GRID2: variants seen among roughly 807,000 people sequenced by gnomAD.
GRID2 encodes glutamate ionotropic receptor delta type subunit 2.
A neutral mutation model predicts 114.8 loss-of-function variants in GRID2; 33 were observed. That is an observed-to-expected ratio of 0.29 (90% CI 0.22 to 0.38). The LOEUF (loss-of-function observed/expected upper bound fraction) is 0.38. Ranked by LOEUF, GRID2 falls within the 10% of genes least tolerant of loss-of-function variation. GRID2 has a pLI of 1.00. For synonymous variants in GRID2, 505 were observed against 449.9 expected, an observed-to-expected ratio of 1.12 and a Z score of -1.55; for missense variants, 1,184 against 1,257.7, an observed-to-expected ratio of 0.94 and a Z score of 0.89.
chr4:93,605,686 A>G (rs1312561855), intron 13 of GRID2, among the ~76,000 whole-genome samples: 1 of 152,194 alleles, frequency 6.6e-6, no homozygotes, highest in Non-Finnish European at 1.5e-5. Flanking sequence ...ACTCCTGATA[A>G]TATTGGGCCT....
intron 11 of GRID2, among the ~76,000 whole-genome samples, chr4:93,460,662 T>C (rs2149419415): frequency 6.6e-6 from 1 of 152,240 alleles, no homozygotes; most frequent in East Asian, 1.9e-4. Flanking sequence ...TTGCTTATAG[T>C]TAAGTGCCTT....
At chr4:92,739,510 T>A (rs2149330314) in intron 2 of GRID2, among the ~76,000 whole-genome samples, 1 of 152,246 alleles carries the variant, frequency 6.6e-6, no homozygotes, top group Non-Finnish European at 1.5e-5. Context: ...CATTAACACC[T>A]ATATTGGAAA....
At chr4:93,467,502 A>C (rs1388334529) in intron 11 of GRID2, among the ~76,000 whole-genome samples, 1 of 152,202 alleles carries the variant, frequency 6.6e-6, no homozygotes, top group African/African-American at 2.4e-5. Context: ...GGAATTGTTG[A>C]TGGCATTCTC....
intron 4 of GRID2, among the ~76,000 whole-genome samples, chr4:93,136,297 GC>G: frequency 6.7e-6 from 1 of 149,904 alleles, no homozygotes; most frequent in Middle Eastern, 3.5e-3. Flanking sequence ...TCCTAAGAAT[GC>G]TAACCTCTTG....
At chr4:93,201,976 G>C (rs62309156) in intron 4 of GRID2, among the ~76,000 whole-genome samples, 2 of 151,906 alleles carry the variant, frequency 1.3e-5, no homozygotes, top group Non-Finnish European at 2.9e-5. Flanking sequence ...TTCTTGGGAG[G>C]TGGGATAGTT....
At chr4:92,620,221 T>C (rs1730202277) in intron 2 of GRID2, among the ~76,000 whole-genome samples, 1 of 151,680 alleles carries the variant, frequency 6.6e-6, no homozygotes, top group African/African-American at 2.4e-5. Context: ...GTGGAATGGT[T>C]TGAGTGATGG....
In GRID2 at chr4:92,842,224, A is replaced by G. The variant is rs113777287; in HGVS notation, c.245-242771A>G. ...ACACAATTTCTAAACCTGCTATTCC[A>G]TAAGTTATTTGTTTTACTTGAAAGG... On this transcript the variant is annotated intron_variant, in intron 2 of 15. Coordinates refer to ENST00000282020, the MANE Select transcript of GRID2 (RefSeq NM_001510.4). 5.8e-3 allele frequency among the ~76,000 whole-genome samples: 880 copies of G among 152,248 alleles called. 15 individuals carry two copies. The highest frequency in any genetic ancestry group is 0.02 in the African/African-American group (836 of 41,560).
At chr4:93,226,475 C>T (rs191408085) in intron 7 of GRID2, among the ~76,000 whole-genome samples, 5 of 152,230 alleles carry the variant, frequency 3.3e-5, no homozygotes, top group East Asian at 1.9e-4. Flanking sequence ...GTCATAAAGC[C>T]GAGAAACAAT....
At chr4:92,703,617 TTATATATA>T (rs3971001) in intron 2 of GRID2, among the ~76,000 whole-genome samples, 33,179 of 140,912 alleles carry the variant, frequency 0.24, 4,082 homozygotes, top group East Asian at 0.42. Context: ...AGGAAAAACA[TTATATATA>T]TATATATATA....
chr4:92,759,079 GTCTAC>G (rs1453942480), intron 2 of GRID2, among the ~76,000 whole-genome samples: 1 of 152,122 alleles, frequency 6.6e-6, no homozygotes, highest in South Asian at 2.1e-4. Context: ...CATTTTGATT[GTCTAC>G]TCTAGGGACG....
chr4:92,721,094 C>A (rs747027958), intron 2 of GRID2, among the ~76,000 whole-genome samples: 4 of 151,972 alleles, frequency 2.6e-5, no homozygotes, highest in Non-Finnish European at 5.9e-5. Context: ...TATGAGACAC[C>A]TAGACTAGTC....
chr4:93,452,028 A>G (rs2149406382), intron 10 of GRID2, among the ~76,000 whole-genome samples: 1 of 152,276 alleles, frequency 6.6e-6, no homozygotes, highest in South Asian at 2.1e-4. Context: ...GAAATAATAC[A>G]TTTGTAAATT....
At chr4:93,670,601 T>G (rs1724325750) in intron 14 of GRID2, among the ~76,000 whole-genome samples, 2 of 152,140 alleles carry the variant, frequency 1.3e-5, no homozygotes, top group African/African-American at 4.8e-5. Flanking sequence ...CACTGATACT[T>G]TCACACAGTG....
At chr4:92,929,878 T>C (rs570053827) in intron 2 of GRID2, among the ~76,000 whole-genome samples, 39 of 151,550 alleles carry the variant, frequency 2.6e-4, no homozygotes, top group Admixed American at 2.3e-3. Flanking sequence ...TGATACATAC[T>C]GTTTGCTTAA....
intron 3 of GRID2, among the ~76,000 whole-genome samples, chr4:93,097,250 A>G (rs1450313722): frequency 1.3e-5 from 2 of 151,972 alleles, no homozygotes; most frequent in African/African-American, 2.4e-5. Context: ...TAAGCATTTA[A>G]GATCTGTTTA....
intron 2 of GRID2, among the ~76,000 whole-genome samples, chr4:92,852,465 CTCTT>C (rs1403066304): frequency 6.6e-6 from 1 of 151,906 alleles, no homozygotes; most frequent in Non-Finnish European, 1.5e-5. Context: ...TGAAGGGAAA[CTCTT>C]TCTTCAAATT....
intron 1 of GRID2, among the ~76,000 whole-genome samples, chr4:92,501,959 C>T (rs1166099068): frequency 6.6e-6 from 1 of 151,882 alleles, no homozygotes; most frequent in Non-Finnish European, 1.5e-5. Flanking sequence ...AATTTTTAAA[C>T]TTACTTTCCT....
intron 2 of GRID2, among the ~76,000 whole-genome samples, chr4:92,954,079 A>G (rs148492921): frequency 6.6e-6 from 1 of 152,188 alleles, no homozygotes; most frequent in East Asian, 1.9e-4. Flanking sequence ...ACACATGCAC[A>G]TGAATCCATG....
chr4:93,447,972 A>G (rs1252081316), intron 10 of GRID2, among the ~76,000 whole-genome samples: 1 of 151,990 alleles, frequency 6.6e-6, no homozygotes, highest in Non-Finnish European at 1.5e-5. Flanking sequence ...ATATTAGAAC[A>G]TAGTAAAGTA....
Sources: gnomAD v4.1 joint callset for allele counts (sites outside exome capture counted in the v4.1 genomes callset) on GRCh38, gnomAD v4.1.1 for gene constraint, MANE v1.5 for transcripts, NCBI Gene and HGNC (gene_info 2026-07-23, HGNC 2026-07-21) for gene names.